SEL1L3: variants seen among roughly 807,000 people sequenced by gnomAD.
The protein encoded by SEL1L3 is SEL1L family member 3, also known as protein sel-1 homolog 3.
Under a neutral mutation model 142.8 loss-of-function variants are expected in SEL1L3, and 76 were observed. The observed-to-expected ratio is 0.53, with a 90% CI of 0.44 to 0.64. The LOEUF (loss-of-function observed/expected upper bound fraction) is 0.64, where lower values mean the gene tolerates loss of function less well. SEL1L3 is among the 30% of genes least tolerant of loss of function. The pLI is 0.00. For missense variants in SEL1L3, 1,262 were observed against 1,381.7 expected, an observed-to-expected ratio of 0.91 and a Z score of 1.37; for synonymous variants, 504 against 519.6, an observed-to-expected ratio of 0.97 and a Z score of 0.41.
chr4:25,769,528 C>T (rs776211142), intron 17 of SEL1L3, among the ~76,000 whole-genome samples: 1 of 152,214 alleles, frequency 6.6e-6, no homozygotes, highest in African/African-American at 2.4e-5. Flanking sequence ...CTAACATAGC[C>T]TGCAAAATCT....
intron 9 of SEL1L3, among the ~76,000 whole-genome samples, chr4:25,817,803 G>T (rs1413270041): frequency 6.6e-6 from 1 of 151,988 alleles, no homozygotes; most frequent in Non-Finnish European, 1.5e-5. Flanking sequence ...TTAGATAACT[G>T]ATTTTTTTTA....
chr4:25,791,721 C>T (rs1474791613), intron 11 of SEL1L3, among the ~76,000 whole-genome samples: 2 of 152,116 alleles, frequency 1.3e-5, no homozygotes, highest in Non-Finnish European at 2.9e-5. Flanking sequence ...CAAGACCAGC[C>T]TGGCCAATGT....
chr4:25,730,357 T>G, the SEL1L3 span, among the ~76,000 whole-genome samples: 1 of 152,200 alleles, frequency 6.6e-6, no homozygotes, highest in East Asian at 1.9e-4. Flanking sequence ...ATTTTTTTTT[T>G]GAGTGAGCAT....
rs762313620 is a variant in SEL1L3, at chr4:25,767,792, G to C, written c.2708C>G (p.Thr903Ser). ...ALLYYVLAAE[T>S]GIEVSQTNLA... ...ATTTGTCTGTGACACTTCAATTCCA[G>C]TTTCTGCTGCTAAAACATAATACAG... Residue 903 changes from threonine (T) to serine (S), a missense_variant, in exon 18 of 24, where the codon ACT becomes AGT. This residue lies in a region of SEL1L3 where 435 missense variants were observed against 559.2 expected (regional missense o/e 0.78). Coordinates refer to ENST00000399878, the MANE Select transcript of SEL1L3 (RefSeq NM_015187.5). 1.3e-6 allele frequency: 2 copies of C among 1,580,232 alleles called. No homozygotes were observed. Among genetic ancestry groups the C allele is most frequent in the Non-Finnish European group, 1.7e-6 (2 of 1,161,386 alleles).
At chr4:25,776,569 TTGTCTTTTATGGAAACAAAGACA>T in intron 16 of SEL1L3, 1 of 523,456 alleles carries the variant, frequency 1.9e-6, no homozygotes, top group Non-Finnish European at 3.4e-6. Context: ...TGATTAGGAG[TTGTCTTTTATGGAAACAAAGACA>T]TGTAAGATAC....
At chr4:25,714,268 TGA>T in the SEL1L3 span, among the ~76,000 whole-genome samples, 3 of 152,130 alleles carry the variant, frequency 2.0e-5, no homozygotes, top group African/African-American at 7.2e-5. Context: ...CTTGCGAAGA[TGA>T]TCATTTTCTA....
downstream of SEL1L3, among the ~76,000 whole-genome samples, chr4:25,745,932 CAG>C (rs1050320817): frequency 1.6e-4 from 25 of 152,354 alleles, no homozygotes; most frequent in African/African-American, 5.8e-4. Flanking sequence ...CTCAGCAGAG[CAG>C]AGTCACTCTC....
At chr4:25,779,439 A>G (rs1719853892) in intron 15 of SEL1L3, among the ~76,000 whole-genome samples, 1 of 152,238 alleles carries the variant, frequency 6.6e-6, no homozygotes, top group African/African-American at 2.4e-5. Context: ...ATAAGACAAC[A>G]TGTAATTATG....
chr4:25,844,425 A>G (rs1295782478), intron 2 of SEL1L3, among the ~76,000 whole-genome samples: 1 of 152,172 alleles, frequency 6.6e-6, no homozygotes. Context: ...AACTCTTGGG[A>G]AAGGGTTTTC....
At chr4:25,818,038 A>T (rs1005377778) in intron 9 of SEL1L3, 100 bp downstream of exon 9, 3 of 1,266,492 alleles carry the variant, frequency 2.4e-6, no homozygotes, top group Admixed American at 5.5e-5. Context: ...AGGGTTAAAA[A>T]TAACTTTAAG....
At chr4:25,815,937 C>G (rs975638737) in intron 9 of SEL1L3, among the ~76,000 whole-genome samples, 4 of 150,724 alleles carry the variant, frequency 2.7e-5, no homozygotes, top group South Asian at 2.1e-4. Context: ...ACACACAGGA[C>G]AGCCCCCAAC....
rs1194511700 is a variant in SEL1L3, at chr4:25,840,379, T to A, written c.734-5056A>T. ...ATCATGACATTGACTTGAATAGTCC[T>A]GCTGCATAAACCATTTTTTTTCACA... On this transcript the variant is annotated intron_variant, in intron 2 of 23. Coordinates refer to ENST00000399878, the MANE Select transcript of SEL1L3 (RefSeq NM_015187.5). Among the ~76,000 whole-genome samples the A allele has an allele frequency of 2.0e-5, 3 of 152,222 alleles. No individual in the cohort carries two copies. In the East Asian group the frequency reaches 5.8e-4, roughly 29 times the overall value.
chr4:25,810,643 G>A (rs553403134), intron 9 of SEL1L3, among the ~76,000 whole-genome samples: 1 of 152,310 alleles, frequency 6.6e-6, no homozygotes, highest in South Asian at 2.1e-4. Context: ...GGTTCCCCAG[G>A]AAACAACATA....
chr4:25,800,023 C>A (rs1713068133), intron 11 of SEL1L3, among the ~76,000 whole-genome samples: 1 of 152,196 alleles, frequency 6.6e-6, no homozygotes, highest in African/African-American at 2.4e-5. Context: ...TACTAGCCAT[C>A]TTCTTTCTGT....
chr4:25,770,429 T>C (rs1297307319), intron 17 of SEL1L3: 4 of 152,072 alleles, frequency 2.6e-5, no homozygotes, highest in Admixed American at 2.6e-4. Context: ...GTGAGATCCA[T>C]AGAAACACTG....
intron 9 of SEL1L3, among the ~76,000 whole-genome samples, chr4:25,817,832 AT>A (rs980312138): frequency 2.0e-5 from 3 of 152,078 alleles, no homozygotes; most frequent in African/African-American, 7.2e-5. Flanking sequence ...ACAACAAGGT[AT>A]TTTCCAAATC....
chr4:25,716,616 C>T, the SEL1L3 span, among the ~76,000 whole-genome samples: 1 of 151,992 alleles, frequency 6.6e-6, no homozygotes, highest in African/African-American at 2.4e-5. Flanking sequence ...AATGTTATTA[C>T]AAAATTGAAC....
At chr4:25,812,189 C>T (rs972490065) in intron 9 of SEL1L3, among the ~76,000 whole-genome samples, 1 of 152,172 alleles carries the variant, frequency 6.6e-6, no homozygotes, top group African/African-American at 2.4e-5. Flanking sequence ...CGTGTTTGTG[C>T]CCCATACTCA....
chr4:25,798,828 C>CA (rs1369198156), intron 11 of SEL1L3, among the ~76,000 whole-genome samples: 1 of 151,036 alleles, frequency 6.6e-6, no homozygotes, highest in Non-Finnish European at 1.5e-5. Context: ...GACTCTGTTT[C>CA]AAAAAAAGAA....
Sources: gnomAD v4.1 joint callset for allele counts (sites outside exome capture counted in the v4.1 genomes callset) on GRCh38, gnomAD v4.1.1 for gene constraint, gnomAD v4.1.1 regional missense constraint, MANE v1.5 for transcripts, NCBI Gene and HGNC (gene_info 2026-07-23, HGNC 2026-07-21) for gene names.